Variants in SCRG1 observed in about 807,000 individuals in gnomAD.
SCRG1 encodes stimulator of chondrogenesis 1.
In SCRG1, 3 loss-of-function variants were observed where a neutral mutation model predicts 7.7. That is an observed-to-expected ratio of 0.39 (90% CI 0.18 to 1.01). The LOEUF (loss-of-function observed/expected upper bound fraction) is 1.01. Among genes scored for constraint, SCRG1 ranks in the 50% least tolerant of loss-of-function variants. The pLI is 0.36. For missense variants in SCRG1, 110 were observed against 117.2 expected, an observed-to-expected ratio of 0.94 and a Z score of 0.28; for synonymous variants, 46 against 41.2, an observed-to-expected ratio of 1.12 and a Z score of -0.44.
chr4:173,498,337 G>T, the SCRG1 span, among the ~76,000 whole-genome samples: 1 of 152,140 alleles, frequency 6.6e-6, no homozygotes, highest in African/African-American at 2.4e-5. Flanking sequence ...GATATCCCTG[G>T]TCTGAATGAG....
chr4:173,472,297 A>G, the SCRG1 span, among the ~76,000 whole-genome samples: 7 of 152,230 alleles, frequency 4.6e-5, no homozygotes, highest in Non-Finnish European at 7.3e-5. Context: ...TAACTTTACA[A>G]GCATTATTTT....
chr4:173,388,410 A>G lies in SCRG1; in HGVS notation c.243-15T>C, dbSNP rs1182359035. On this transcript the variant is annotated splice_polypyrimidine_tract_variant and intron_variant, in intron 2 of 2. Coordinates refer to ENST00000296506, the MANE Select transcript of SCRG1 (RefSeq NM_007281.4). ...AGAAAACGTCTCTGAAAGAAAATAG[A>G]GCATCAATTAAATTCACCTTAAGGC... 1.9e-6 allele frequency: 3 copies of G among 1,593,382 alleles called. No homozygotes were observed. Among genetic ancestry groups the G allele is most frequent in the Non-Finnish European group, 1.7e-6 (2 of 1,162,882 alleles).
At chr4:173,403,336 C>G (rs1181241628), upstream of SCRG1, 2 of 152,078 alleles carry the variant, frequency 1.3e-5, no homozygotes, top group Admixed American at 1.3e-4. Context: ...TTGGGAATGG[C>G]TAGGATTCCC....
the SCRG1 span, among the ~76,000 whole-genome samples, chr4:173,475,473 G>T: frequency 6.6e-6 from 1 of 152,292 alleles, no homozygotes; most frequent in South Asian, 2.1e-4. Context: ...TAGAAAAATT[G>T]GAACCCTTGT....
the SCRG1 span, among the ~76,000 whole-genome samples, chr4:173,494,370 G>A: frequency 6.6e-6 from 1 of 152,198 alleles, no homozygotes. Context: ...TGGCACACAG[G>A]ACATTCCGTT....
At chr4:173,437,422 G>A in the SCRG1 span, among the ~76,000 whole-genome samples, 78,599 of 152,060 alleles carry the variant, frequency 0.52, 23,051 homozygotes, top group Non-Finnish European at 0.67. Context: ...ACAAAGAAAG[G>A]CCCAAACATT....
the SCRG1 span, among the ~76,000 whole-genome samples, chr4:173,436,212 C>A: frequency 6.6e-6 from 1 of 152,154 alleles, no homozygotes; most frequent in African/African-American, 2.4e-5. Context: ...ATCAGGAAAT[C>A]CACCAGGCGT....
intron 1 of SCRG1, among the ~76,000 whole-genome samples, chr4:173,397,417 A>G (rs1739637457): frequency 6.6e-6 from 1 of 152,202 alleles, no homozygotes; most frequent in South Asian, 2.1e-4. Context: ...ACCTACTAAA[A>G]ATTAGAAGGA....
the SCRG1 span, among the ~76,000 whole-genome samples, chr4:173,459,460 C>T: frequency 3.3e-5 from 5 of 152,178 alleles, no homozygotes; most frequent in African/African-American, 4.8e-5. Flanking sequence ...ACAAGAGGAA[C>T]TCTTGAAACT....
the SCRG1 span, among the ~76,000 whole-genome samples, chr4:173,465,120 G>A: frequency 6.6e-6 from 1 of 152,164 alleles, no homozygotes; most frequent in African/African-American, 2.4e-5. Context: ...TCTGAAATGG[G>A]TACAAACTTT....
At chr4:173,438,873 A>C in the SCRG1 span, among the ~76,000 whole-genome samples, 1 of 152,082 alleles carries the variant, frequency 6.6e-6, no homozygotes, top group Non-Finnish European at 1.5e-5. Context: ...ATTATCGTAG[A>C]TAATAAAACA....
chr4:173,457,814 C>T, the SCRG1 span, among the ~76,000 whole-genome samples: 1 of 152,182 alleles, frequency 6.6e-6, no homozygotes, highest in Non-Finnish European at 1.5e-5. Flanking sequence ...ATAGGTGCTG[C>T]TCATCCTGTA....
At chr4:173,464,107 A>T in the SCRG1 span, among the ~76,000 whole-genome samples, 1 of 139,718 alleles carries the variant, frequency 7.2e-6, no homozygotes, top group African/African-American at 2.5e-5. Context: ...GGGCTTCTAA[A>T]AGATATTATT....
the SCRG1 span, among the ~76,000 whole-genome samples, chr4:173,451,711 C>G: frequency 6.6e-6 from 1 of 151,162 alleles, no homozygotes; most frequent in East Asian, 1.9e-4. Flanking sequence ...CTTTGTCACC[C>G]AGGCTGGAGT....
intron 2 of SCRG1, among the ~76,000 whole-genome samples, chr4:173,388,861 C>T (rs1275133168): frequency 1.3e-5 from 2 of 152,032 alleles, no homozygotes; most frequent in African/African-American, 2.4e-5. Context: ...TATAAAAATG[C>T]ATGGAATAAT....
At chr4:173,424,635 C>T in the SCRG1 span, among the ~76,000 whole-genome samples, 23 of 152,206 alleles carry the variant, frequency 1.5e-4, no homozygotes, top group African/African-American at 3.4e-4. Context: ...CTAGGCTGGG[C>T]GCGGTGGCTC....
At chr4:173,395,554 A>G (rs1160206097) in intron 1 of SCRG1, among the ~76,000 whole-genome samples, 2 of 152,124 alleles carry the variant, frequency 1.3e-5, no homozygotes, top group African/African-American at 4.8e-5. Context: ...CCTTCCCTTG[A>G]TATTAATTTC....
intron 2 of SCRG1, among the ~76,000 whole-genome samples, chr4:173,389,360 CCT>C (rs1395276571): frequency 6.6e-6 from 1 of 152,044 alleles, no homozygotes; most frequent in Admixed American, 6.6e-5. Flanking sequence ...CGGTGAAACC[CCT>C]TCTCTACTAA....
chr4:173,512,529 G>A, the SCRG1 span, among the ~76,000 whole-genome samples: 1 of 152,222 alleles, frequency 6.6e-6, no homozygotes, highest in Admixed American at 6.5e-5. Flanking sequence ...CCATCTAGAA[G>A]CTGAAAATGC....
Sources: allele counts gnomAD v4.1 joint callset (sites outside exome capture counted in the v4.1 genomes callset), GRCh38; gene constraint gnomAD v4.1.1; transcripts MANE v1.5; gene names NCBI Gene and HGNC (gene_info 2026-07-23, HGNC 2026-07-21).